The following PLCG1 variants were observed in gnomAD, a reference collection of about 807,000 sequenced individuals.
PLCG1 encodes the protein 1-phosphatidylinositol 4,5-bisphosphate phosphodiesterase gamma-1.
PLCG1 carries 71 observed loss-of-function variants against 177.8 expected under a neutral mutation model. That is an observed-to-expected ratio of 0.40 (90% CI 0.33 to 0.49). PLCG1 has a LOEUF of 0.49. Among genes scored for constraint, PLCG1 ranks in the 20% least tolerant of loss-of-function variants. The probability of loss-of-function intolerance (pLI) is 0.72; values close to 1 mark genes in which losing one functional copy is unlikely to be tolerated. For synonymous variants in PLCG1, 658 were observed against 647.9 expected, an observed-to-expected ratio of 1.02 and a Z score of -0.24; for missense variants, 1,281 against 1,709.0, an observed-to-expected ratio of 0.75 and a Z score of 4.42.
rs1369663108 is a variant in PLCG1, at chr20:41,176,300, C to G, written c.*1791C>G. On this transcript the variant is annotated 3_prime_UTR_variant, in exon 32 of 32. Transcript: ENST00000685551. ...AGTGCTCAGGTTCTTGTGTGACTTT[C>G]TTTTACAGCTTCACAGTCCCAGTTC... 6.6e-6 allele frequency: 1 copy of G among 152,204 alleles called. No individual in the cohort carries two copies. Among genetic ancestry groups the G allele is most frequent in the Non-Finnish European group, 1.5e-5 (1 of 68,048 alleles). The allele number at this position is 152,204 out of a possible 1,614,324, so 9.4% of individuals were successfully genotyped here.
At position 41,156,086 on chromosome 20, in the gene PLCG1, C is replaced by T. The variant is rs1358730032; in HGVS notation, c.218-3520C>T. The stretch of plus-strand genomic sequence containing the variant: ...GGCTTATGAGAAGGTTCTCAGTCCT[C>T]AGAGCTGACATGTGATATACAGTCC... On this transcript the variant is annotated intron_variant, in intron 1 of 31. Transcript: ENST00000685551. The surrounding 1 kb of genome is among the most constrained non-coding windows in gnomAD (Gnocchi z 5.0). 2.6e-5 allele frequency among the ~76,000 whole-genome samples: 4 copies of T among 152,188 alleles called. No individual in the cohort carries two copies. Among genetic ancestry groups the T allele is most frequent in the African/African-American group, 9.7e-5 (4 of 41,444 alleles).
rs1404870023 is a variant in PLCG1 at position 41,165,656 on chromosome 20, G to A, written c.1629G>A (p.Glu543=). 3 of 1,613,950 alleles carry A rather than the reference G, an allele frequency of 1.9e-6. No homozygotes were observed. The highest frequency in any genetic ancestry group is 1.6e-4 in the Middle Eastern group (1 of 6,062). The change falls in exon 16 of 32, where the codon GAG becomes GAA. Residue 543 remains glutamate (E), a synonymous_variant. Coordinates refer to ENST00000685551, the MANE Select transcript of PLCG1 (RefSeq NM_002660.3). This position sits in a 1 kb window ranked among gnomAD's most constrained non-coding sequence, Gnocchi z 6.6. ...EEPKEVSSST[E]LHSNEKWFHG... The stretch of plus-strand genomic sequence containing the variant: ...CCTGACAGGTCAGCAGCAGCACAGA[G>A]CTGCACTCCAATGAGAAGTGGTTCC...
rs1203271938 is a variant in PLCG1, at chr20:41,164,542, T to C, written c.1217+341T>C. Among the ~76,000 whole-genome samples the C allele has an allele frequency of 6.6e-6, 1 of 152,126 alleles. No homozygotes were observed. Among genetic ancestry groups the C allele is most frequent in the Non-Finnish European group, 1.5e-5 (1 of 68,022 alleles). On this transcript the variant is annotated intron_variant, in intron 12 of 31. Transcript: ENST00000685551. This position sits in a 1 kb window ranked among gnomAD's most constrained non-coding sequence, Gnocchi z 6.4. ...CTCACAGCCCAGAAGATTGTCTCTG[T>C]TCCCTGTGTCCCATTCCTTCAATTC...
intron 1 of PLCG1, among the ~76,000 whole-genome samples, chr20:41,138,231 C>A (rs917667360): frequency 1.6e-4 from 25 of 152,098 alleles, no homozygotes; most frequent in Non-Finnish European, 2.9e-4. Flanking sequence ...TGCACGGGAA[C>A]CTGGGGCCTG....
Position 41,167,579 on chromosome 20 carries a change from G to T in PLCG1, c.2302-273G>T, listed in dbSNP as rs2035743385. On this transcript the variant is annotated intron_variant, in intron 19 of 31. Coordinates refer to ENST00000685551, the MANE Select transcript of PLCG1 (RefSeq NM_002660.3). The surrounding 1 kb of genome is among the most constrained non-coding windows in gnomAD (Gnocchi z 4.4). The stretch of plus-strand genomic sequence containing the variant: ...TCTGTGAAGGGCCCACCTGCACATA[G>T]CTCAGAAATACTTGGGAGTTTGGGC... 2 of 484,530 alleles carry T rather than the reference G, an allele frequency of 4.1e-6. No individual in the cohort carries two copies. Among genetic ancestry groups the T allele is most frequent in the Non-Finnish European group, 7.5e-6 (2 of 267,604 alleles). The allele number at this position is 484,530 out of a possible 1,614,324, so 30.0% of individuals were successfully genotyped here. A position where few individuals can be genotyped will look rare whatever the true frequency, so the allele number is the denominator to read the frequency against.
At position 41,173,361 on chromosome 20, in the gene PLCG1, A is replaced by C. The variant is rs1178837643; in HGVS notation, c.3280-59A>C. On this transcript the variant is annotated intron_variant, in intron 27 of 31. Coordinates refer to ENST00000685551, the MANE Select transcript of PLCG1 (RefSeq NM_002660.3). The surrounding 1 kb of genome is among the most constrained non-coding windows in gnomAD (Gnocchi z 6.2). Reference sequence around the variant, plus strand: ...CCACAGATGCTGACTGAGCCTCCGCAGTGGGGAATTGGAGGGAGCAGGAAG... The same window carrying C: ...CCACAGATGCTGACTGAGCCTCCGCCGTGGGGAATTGGAGGGAGCAGGAAG... 1.2e-5 allele frequency: 18 copies of C among 1,474,360 alleles called. No individual in the cohort carries two copies. The highest frequency in any genetic ancestry group is 2.8e-5 in the African/African-American group (2 of 71,236). The allele number at this position is 1,474,360 out of a possible 1,614,324, so 91.3% of individuals were successfully genotyped here. A position where few individuals can be genotyped will look rare whatever the true frequency, so the allele number is the denominator to read the frequency against.
At chr20:41,168,416 G>A (rs1341997327) in intron 20 of PLCG1, among the ~76,000 whole-genome samples, 5 of 152,204 alleles carry the variant, frequency 3.3e-5, no homozygotes, top group African/African-American at 1.2e-4. Flanking sequence ...TCCAGGTCCC[G>A]GGGAGGCACT....
In PLCG1 at chr20:41,173,776, G is replaced by GGCTCA; in HGVS notation, c.3521_3525dup (p.Ala1176LeufsTer7). On this transcript the variant is annotated frameshift_variant, in exon 29 of 32. Coordinates refer to ENST00000685551, the MANE Select transcript of PLCG1 (RefSeq NM_002660.3). LOFTEE classifies it high-confidence loss of function. The surrounding 1 kb of genome is among the most constrained non-coding windows in gnomAD (Gnocchi z 6.2). ...ACATGTTTAGTGACCAGAATTTCCT[G>GGCTCA]GCTCAGGCTACTTTCCCAGTAAAAG... is the stretch of plus-strand genomic sequence containing the variant. 1 of 1,614,164 alleles carries GGCTCA rather than the reference G, an allele frequency of 6.2e-7. No homozygotes were observed. Among genetic ancestry groups the GGCTCA allele is most frequent in the South Asian group, 1.1e-5 (1 of 91,078 alleles).
intron 1 of PLCG1, among the ~76,000 whole-genome samples, chr20:41,138,354 T>C (rs1398939125): frequency 6.6e-6 from 1 of 152,184 alleles, no homozygotes; most frequent in Admixed American, 6.5e-5. Flanking sequence ...TAAGTAGAAC[T>C]TAGGCAGATG....
Position 41,172,123 on chromosome 20 carries a change from G to A in PLCG1, c.2809-70G>A, listed in dbSNP as rs2035920460. On this transcript the variant is annotated intron_variant, in intron 24 of 31. Coordinates refer to ENST00000685551, the MANE Select transcript of PLCG1 (RefSeq NM_002660.3). This position sits in a 1 kb window ranked among gnomAD's most constrained non-coding sequence, Gnocchi z 7.0. Reference sequence around the variant, plus strand: ...CACCTGCAGTGTGGGCATGCCCAAGGTTGGCAGGGGCTTCCTTCTCCTGGG... The same window carrying A: ...CACCTGCAGTGTGGGCATGCCCAAGATTGGCAGGGGCTTCCTTCTCCTGGG... The A allele has an allele frequency of 1.6e-6, 2 of 1,231,796 alleles. No homozygotes were observed. Among genetic ancestry groups the A allele is most frequent in the Admixed American group, 1.7e-5 (1 of 59,492 alleles). The allele number at this position is 1,231,796 out of a possible 1,614,324, so 76.3% of individuals were successfully genotyped here.
In PLCG1 at chr20:41,162,036, C is replaced by T. The variant is rs545113462; in HGVS notation, c.513-416C>T. ...GGTAGGGACCTGCTGCCATGCTGCC[C>T]CCAACAGGGAAGTTGTGAGTGAGCC... is the stretch of plus-strand genomic sequence containing the variant. On this transcript the variant is annotated intron_variant, in intron 4 of 31. Coordinates refer to ENST00000685551, the MANE Select transcript of PLCG1 (RefSeq NM_002660.3). Among the ~76,000 whole-genome samples the T allele has an allele frequency of 2.8e-4, 43 of 152,114 alleles. No individual in the cohort carries two copies. In the East Asian group the frequency reaches 8.2e-3, roughly 29 times the overall value.
In PLCG1 at chr20:41,167,027, C is replaced by G. The variant is rs375294828; in HGVS notation, c.2301+168C>G. ...AGTGTGGGTACCAGGAGGGTGTCTG[C>G]AGGAGGGGACATCTGAGCAGCATCT... is the stretch of plus-strand genomic sequence containing the variant. On this transcript the variant is annotated intron_variant, in intron 19 of 31. Coordinates refer to ENST00000685551, the MANE Select transcript of PLCG1 (RefSeq NM_002660.3). This position sits in a 1 kb window ranked among gnomAD's most constrained non-coding sequence, Gnocchi z 4.4. 5.7e-4 allele frequency: 364 copies of G among 642,136 alleles called. 3 individuals are homozygous for G. The highest frequency in any genetic ancestry group is 3.2e-3 in the South Asian group (178 of 54,914). 39.8% of individuals were successfully genotyped at this position (642,136 alleles called of 1,614,324 possible).
rs1489804773 is a variant in PLCG1 at position 41,151,993 on chromosome 20, G to T, written c.218-7613G>T. Among the ~76,000 whole-genome samples the T allele has an allele frequency of 6.6e-6, 1 of 152,198 alleles. No individual in the cohort carries two copies. The highest frequency in any genetic ancestry group is 1.5e-5 in the Non-Finnish European group (1 of 68,026). On this transcript the variant is annotated intron_variant, in intron 1 of 31. Transcript: ENST00000685551. The surrounding 1 kb of genome is among the most constrained non-coding windows in gnomAD (Gnocchi z 5.5). ...GGGGATGGGGTGACTGAGGTAGGGG[G>T]CCAGAAGTGGCCCAGATGATACTCA...
rs1314701284 is a variant in PLCG1, at chr20:41,160,325, G to A, written c.512+172G>A. On this transcript the variant is annotated intron_variant, in intron 4 of 31. Coordinates refer to ENST00000685551, the MANE Select transcript of PLCG1 (RefSeq NM_002660.3). The surrounding 1 kb of genome is among the most constrained non-coding windows in gnomAD (Gnocchi z 5.5). Reference sequence around the variant, plus strand: ...TGTAGCTTTCTGCACAAAGTCCTCTGGTGGCCTTGGTGTGAGCTGGTGAGA... The same window carrying A: ...TGTAGCTTTCTGCACAAAGTCCTCTAGTGGCCTTGGTGTGAGCTGGTGAGA... Among the ~76,000 whole-genome samples the A allele has an allele frequency of 6.6e-6, 1 of 152,198 alleles. No individual in the cohort carries two copies.
Position 41,172,429 on chromosome 20 carries a change from A to G in PLCG1, c.2914A>G (p.Thr972Ala). 6.2e-7 allele frequency: 1 copy of G among 1,614,100 alleles called. No individual in the cohort carries two copies. Among genetic ancestry groups the G allele is most frequent in the Non-Finnish European group, 8.5e-7 (1 of 1,179,958 alleles). Residue 972 changes from threonine (T) to alanine (A), a missense_variant, in exon 26 of 32, where the codon ACA (threonine) becomes GCA (alanine). Physicochemically the swap from Thr to Ala is moderately conservative, Grantham distance 58. Around this residue, in one of 4 missense-constraint regions of PLCG1, gnomAD observed 723 missense variants for 1,030.0 expected, o/e 0.70. Coordinates refer to ENST00000685551, the MANE Select transcript of PLCG1 (RefSeq NM_002660.3). The surrounding 1 kb of genome is among the most constrained non-coding windows in gnomAD (Gnocchi z 7.0). ...PVPFDEEKIG[T>A]ERACYRDMSS... ...TTCCCTGTTTGGCCCAGAGATTGGC[A>G]CAGAACGTGCTTGCTACCGGGACAT...
rs967132284 is a variant in PLCG1, at chr20:41,156,491, C to T, written c.218-3115C>T. Among the ~76,000 whole-genome samples the T allele has an allele frequency of 5.3e-5, 8 of 152,156 alleles. No individual in the cohort carries two copies. The highest frequency in any genetic ancestry group is 1.7e-4 in the African/African-American group (7 of 41,428). On this transcript the variant is annotated intron_variant, in intron 1 of 31. Coordinates refer to ENST00000685551, the MANE Select transcript of PLCG1 (RefSeq NM_002660.3). The surrounding 1 kb of genome is among the most constrained non-coding windows in gnomAD (Gnocchi z 5.0). ...ATTAGGCCTTTGTCATTATGCTATA[C>T]ATCAGGCTTCTGGGCTGCTACTTGT...
chr20:41,174,698 T>C lies in PLCG1; in HGVS notation c.*189T>C, dbSNP rs2036009530. On this transcript the variant is annotated 3_prime_UTR_variant, in exon 32 of 32. Coordinates refer to ENST00000685551, the MANE Select transcript of PLCG1 (RefSeq NM_002660.3). This position sits in a 1 kb window ranked among gnomAD's most constrained non-coding sequence, Gnocchi z 5.8. ...ATGTTATTACTGTTTTGGGCCTCCA[T>C]GCCCCAGCTCTGGATGAAGGCAAAA... 1 of 614,498 alleles carries C rather than the reference T, an allele frequency of 1.6e-6. No homozygotes were observed. Among genetic ancestry groups the C allele is most frequent in the South Asian group, 1.9e-5 (1 of 52,086 alleles). The allele number at this position is 614,498 out of a possible 1,614,324, so 38.1% of individuals were successfully genotyped here. A position where few individuals can be genotyped will look rare whatever the true frequency, so the allele number is the denominator to read the frequency against.
intron 1 of PLCG1, among the ~76,000 whole-genome samples, chr20:41,152,208 C>G (rs997894068): frequency 6.6e-6 from 1 of 152,206 alleles, no homozygotes; most frequent in Non-Finnish European, 1.5e-5. Context: ...TTTTGGAGAT[C>G]TACACACCTC....
rs150914278 is a variant in PLCG1, at chr20:41,165,310, C to T, written c.1452C>T (p.Asn484=). 6.5e-5 allele frequency: 105 copies of T among 1,613,996 alleles called. No homozygotes were observed. The highest frequency in any genetic ancestry group is 1.6e-4 in the Middle Eastern group (1 of 6,062). Residue 484 remains asparagine, a synonymous_variant, in exon 14 of 32, where the codon AAC becomes AAT. Coordinates refer to ENST00000685551, the MANE Select transcript of PLCG1 (RefSeq NM_002660.3). The surrounding 1 kb of genome is among the most constrained non-coding windows in gnomAD (Gnocchi z 6.6). ...EVPTSMMYSE[N]DISNSIKNGI... ...CTACATCCATGATGTACTCTGAGAA[C>T]GACATCAGCAACTCTATCAAGAATG...
Sources: gnomAD v4.1 joint callset for allele counts (sites outside exome capture counted in the v4.1 genomes callset) on GRCh38, gnomAD v4.1.1 for gene constraint, gnomAD v4.1.1 regional missense constraint, Gnocchi (gnomAD v3.1) non-coding constraint, MANE v1.5 for transcripts, NCBI Gene and HGNC (gene_info 2026-07-23, HGNC 2026-07-21) for gene names.